The following PPP2R2C variants were observed in gnomAD, a reference collection of about 807,000 sequenced individuals.
PPP2R2C encodes the protein protein phosphatase 2 regulatory subunit Bgamma.
A neutral mutation model predicts 45.3 loss-of-function variants in PPP2R2C; 10 were observed. That is an observed-to-expected ratio of 0.22 (90% confidence interval 0.14 to 0.37). The LOEUF is 0.37. Ranked by LOEUF, PPP2R2C falls within the 10% of genes least tolerant of loss-of-function variation. The pLI is 1.00. For synonymous variants in PPP2R2C, 257 were observed against 245.4 expected (o/e 1.05, Z -0.44); for missense variants, 308 against 619.7 (o/e 0.50, Z 5.34).
chr4:6,405,647 G>C (rs1345326868), intron 1 of PPP2R2C, among the ~76,000 whole-genome samples: 2 of 152,060 alleles, frequency 1.3e-5, no homozygotes, highest in Admixed American at 6.6e-5. Flanking sequence ...GGAGGGGCTG[G>C]GCCTGCTCCC....
chr4:6,461,862 G>A (rs557078769), intron 1 of PPP2R2C, among the ~76,000 whole-genome samples: 5 of 152,336 alleles, frequency 3.3e-5, no homozygotes, highest in African/African-American at 1.2e-4. Flanking sequence ...GGCAGGCGGT[G>A]GCTACCCCAG....
intron 1 of PPP2R2C, among the ~76,000 whole-genome samples, chr4:6,456,924 T>C (rs1024365243): frequency 3.9e-5 from 6 of 152,078 alleles, no homozygotes; most frequent in Admixed American, 6.5e-5. Flanking sequence ...AAAATGAGCA[T>C]GAGCCAGGTG....
chr4:6,529,203 G>T (rs534617994), intron 2 of PPP2R2C, among the ~76,000 whole-genome samples: 1 of 152,212 alleles, frequency 6.6e-6, no homozygotes, highest in Admixed American at 6.5e-5. Flanking sequence ...CAGAGGCCTA[G>T]TCAGCCAGCA....
At chr4:6,562,901 C>G (rs1577260429) in intron 1 of PPP2R2C, among the ~76,000 whole-genome samples, 2 of 151,526 alleles carry the variant, frequency 1.3e-5, no homozygotes, top group South Asian at 4.2e-4. Flanking sequence ...GAGCAGCTGT[C>G]CATCCCACCA....
chr4:6,449,297 G>T (rs944647757), intron 1 of PPP2R2C, among the ~76,000 whole-genome samples: 8 of 152,212 alleles, frequency 5.3e-5, no homozygotes, highest in Non-Finnish European at 7.3e-5. Context: ...ACCGTGTTCT[G>T]TCCCAACAAG....
chr4:6,490,489 A>G lies in PPP2R2C; in HGVS notation c.49+44782T>C, dbSNP rs756291341. ...AAATTAAATATCAGGACTACAGGAC[A>G]TACTGGAGCAGAAACCAATGAACAG... On this transcript the variant is annotated intron_variant, in intron 2 of 9. Coordinates refer to the PPP2R2C transcript ENST00000506140. Among the ~76,000 whole-genome samples, 18 of 152,368 alleles carry G rather than the reference A, an allele frequency of 1.2e-4. 1 individual carries two copies. The highest frequency in any genetic ancestry group is 7.8e-4 in the Admixed American group (12 of 15,306).
intron 2 of PPP2R2C, among the ~76,000 whole-genome samples, chr4:6,511,651 GTGATGGTGGTGGTGATGGTGGTGA>G (rs1484337188): frequency 1.2e-5 from 1 of 84,922 alleles, no homozygotes; most frequent in Non-Finnish European, 2.3e-5. Flanking sequence ...GATGGTGGTG[GTGATGGTGGTGGTGATGGTGGTGA>G]TGGTGGTGGA....
chr4:6,486,969 T>C (rs1305303432), intron 2 of PPP2R2C, among the ~76,000 whole-genome samples: 1 of 152,112 alleles, frequency 6.6e-6, no homozygotes, highest in Non-Finnish European at 1.5e-5. Context: ...TGTTCAATTA[T>C]TCCATTCTAT....
intron 2 of PPP2R2C, among the ~76,000 whole-genome samples, chr4:6,492,225 A>G (rs1340721915): frequency 2.0e-5 from 3 of 152,154 alleles, no homozygotes; most frequent in Non-Finnish European, 4.4e-5. Context: ...AGCAGCTCCA[A>G]GGACATGTCC....
chr4:6,327,012 G>A lies in PPP2R2C; in HGVS notation c.1052+2250C>T, dbSNP rs1394323355. Among the ~76,000 whole-genome samples the A allele has an allele frequency of 3.3e-5, 5 of 152,342 alleles. No individual in the cohort carries two copies. The East Asian group carries it at 9.6e-4, about 29-fold the overall frequency. On this transcript the variant is annotated intron_variant, in intron 8 of 8. Transcript: ENST00000382599. Reference sequence around the variant, plus strand: ...TCTCTCCTGAGCCTCTGAGGCCCTGGAAGGCAGGACCCAGGGTCTGTTTAT... The same window carrying A: ...TCTCTCCTGAGCCTCTGAGGCCCTGAAAGGCAGGACCCAGGGTCTGTTTAT...
chr4:6,370,142 G>A (rs1317015829), intron 5 of PPP2R2C, among the ~76,000 whole-genome samples: 1 of 152,216 alleles, frequency 6.6e-6, no homozygotes, highest in Non-Finnish European at 1.5e-5. Context: ...CAGGGCTGCA[G>A]GGGGCAGGCC....
intron 5 of PPP2R2C, among the ~76,000 whole-genome samples, chr4:6,365,733 G>A (rs1379026994): frequency 1.3e-5 from 2 of 152,186 alleles, no homozygotes; most frequent in Admixed American, 6.5e-5. Context: ...CCCCCCTCCA[G>A]CCCACCTGGC....
intron 1 of PPP2R2C, among the ~76,000 whole-genome samples, chr4:6,405,368 C>T (rs1380736788): frequency 6.6e-6 from 1 of 152,170 alleles, no homozygotes; most frequent in Non-Finnish European, 1.5e-5. Context: ...CGGCTCTCAG[C>T]AGGCATTCAA....
At chr4:6,541,545 CGTTT>C (rs929081242) in intron 1 of PPP2R2C, among the ~76,000 whole-genome samples, 5 of 152,004 alleles carry the variant, frequency 3.3e-5, no homozygotes, top group African/African-American at 4.8e-5. Context: ...TGAGTTGTTT[CGTTT>C]GTTTGTTTGT....
intron 2 of PPP2R2C, among the ~76,000 whole-genome samples, chr4:6,498,327 G>A (rs1722937554): frequency 6.6e-6 from 1 of 152,166 alleles, no homozygotes; most frequent in African/African-American, 2.4e-5. Flanking sequence ...GGCAATGGTG[G>A]AATTAATATT....
At chr4:6,481,367 T>G (rs1018138090) in intron 2 of PPP2R2C, among the ~76,000 whole-genome samples, 18 of 152,220 alleles carry the variant, frequency 1.2e-4, no homozygotes, top group African/African-American at 3.6e-4. Flanking sequence ...ATTACATACT[T>G]TTTCCATATG....
intron 1 of PPP2R2C, chr4:6,535,512 C>T (rs1445270494): frequency 1.6e-6 from 1 of 613,080 alleles, no homozygotes; most frequent in East Asian, 3.1e-5. Context: ...TCCAGCCAGC[C>T]CTGGGCCAGG....
At chr4:6,335,231 C>T (rs1732752865) in intron 6 of PPP2R2C, among the ~76,000 whole-genome samples, 2 of 152,174 alleles carry the variant, frequency 1.3e-5, no homozygotes, top group Non-Finnish European at 2.9e-5. Context: ...TGGCGCCCTC[C>T]ACCGCCAGGG....
intron 5 of PPP2R2C, among the ~76,000 whole-genome samples, chr4:6,360,113 C>G (rs540519052): frequency 1.4e-4 from 21 of 152,222 alleles, no homozygotes; most frequent in Non-Finnish European, 2.4e-4. Context: ...GTCAAATAGT[C>G]CACCCCTGCA....
Sources: allele counts gnomAD v4.1 joint callset (sites outside exome capture counted in the v4.1 genomes callset), GRCh38; gene constraint gnomAD v4.1.1; transcripts MANE v1.5; gene names NCBI Gene and HGNC (gene_info 2026-07-23, HGNC 2026-07-21).